Variants in SNX4 observed in about 807,000 individuals in gnomAD.
The protein encoded by SNX4 is sorting nexin 4.
Under a neutral mutation model 70.8 loss-of-function variants are expected in SNX4, and 49 were observed. That is an observed-to-expected ratio of 0.69 (90% CI 0.55 to 0.88). The LOEUF (loss-of-function observed/expected upper bound fraction) is 0.88. SNX4 is among the 40% of genes least tolerant of loss of function. The pLI, the probability that SNX4 is intolerant of heterozygous loss-of-function variation, is 0.00. For synonymous variants in SNX4, 206 were observed against 183.8 expected, an observed-to-expected ratio of 1.12 and a Z score of -0.98; for missense variants, 528 against 544.8, an observed-to-expected ratio of 0.97 and a Z score of 0.31.
At position 125,505,498 on chromosome 3, in the gene SNX4, A is replaced by G. The variant is rs531777872; in HGVS notation, c.142-754T>C. Among the ~76,000 whole-genome samples, 6 of 152,238 alleles carry G rather than the reference A, an allele frequency of 3.9e-5. No individual in the cohort carries two copies. In the South Asian group the frequency reaches 1.2e-3, roughly 32 times the overall value. On this transcript the variant is annotated intron_variant, in intron 1 of 13. Transcript: ENST00000251775. ...GACAAAATGTGGTTAATTTCAATCA[A>G]TTTCAGCTACCTATCCCTTAGTGCC...
At chr3:125,454,505 G>A (rs1933659506) in intron 11 of SNX4, among the ~76,000 whole-genome samples, 3 of 152,154 alleles carry the variant, frequency 2.0e-5, no homozygotes, top group Admixed American at 2.0e-4. Flanking sequence ...CCACAAAACA[G>A]GTCCCTAGTG....
intron 10 of SNX4, among the ~76,000 whole-genome samples, chr3:125,458,814 C>CAAAAAAAAAAAAAAA (rs71148180): frequency 1.1e-4 from 7 of 64,532 alleles, no homozygotes; most frequent in African/African-American, 3.8e-4. Context: ...GACTCCGTCT[C>CAAAAAAAAAAAAAAA]AAAAAAAAAA....
intron 1 of SNX4, among the ~76,000 whole-genome samples, chr3:125,516,662 GA>G (rs1935291031): frequency 6.6e-6 from 1 of 152,170 alleles, no homozygotes; most frequent in South Asian, 2.1e-4. Context: ...CCAACATGGT[GA>G]AACCCCCTCT....
intron 9 of SNX4, among the ~76,000 whole-genome samples, chr3:125,466,834 C>T (rs1369880878): frequency 6.6e-6 from 1 of 152,056 alleles, no homozygotes; most frequent in Non-Finnish European, 1.5e-5. Flanking sequence ...CCTATAATCC[C>T]AGCACTTTGG....
At chr3:125,508,851 C>T (rs868576759) in intron 1 of SNX4, among the ~76,000 whole-genome samples, 10 of 152,048 alleles carry the variant, frequency 6.6e-5, no homozygotes, top group Middle Eastern at 6.8e-3. Context: ...TACCTAACAC[C>T]GACACAAAAA....
chr3:125,480,346 G>T, intron 6 of SNX4, 27 bp from the exon 7 acceptor site: 1 of 1,415,936 alleles, frequency 7.1e-7, no homozygotes, highest in Non-Finnish European at 9.5e-7. Context: ...ATAAAACATC[G>T]TTTTTCAAAT....
At chr3:125,511,750 A>C (rs993802117) in intron 1 of SNX4, among the ~76,000 whole-genome samples, 4 of 152,068 alleles carry the variant, frequency 2.6e-5, no homozygotes, top group Admixed American at 6.6e-5. Flanking sequence ...AAAATATTGT[A>C]CTGTATTATA....
chr3:125,473,674 C>T (rs1386665163), intron 8 of SNX4, among the ~76,000 whole-genome samples: 3 of 152,212 alleles, frequency 2.0e-5, no homozygotes, highest in Non-Finnish European at 4.4e-5. Context: ...ATCGGCCTCT[C>T]AAAGTGCTGG....
intron 9 of SNX4, among the ~76,000 whole-genome samples, chr3:125,461,321 A>C (rs2107530588): frequency 6.6e-6 from 1 of 152,368 alleles, no homozygotes. Flanking sequence ...AAGTACAGAC[A>C]GTGAGAATTA....
intron 5 of SNX4, among the ~76,000 whole-genome samples, chr3:125,496,468 TTTC>T (rs1044079837): frequency 1.3e-5 from 2 of 152,250 alleles, no homozygotes; most frequent in Admixed American, 6.5e-5. Context: ...GTAAAAAAAT[TTTC>T]TTCTTCTTGT....
chr3:125,514,662 GA>G (rs1322023681), intron 1 of SNX4, among the ~76,000 whole-genome samples: 1 of 152,146 alleles, frequency 6.6e-6, no homozygotes, highest in Non-Finnish European at 1.5e-5. Flanking sequence ...AAAGTGCTGG[GA>G]TTACAGGTGT....
intron 5 of SNX4, 70 bp from the exon 6 acceptor site, chr3:125,489,533 C>T (rs975392277): frequency 3.2e-6 from 4 of 1,259,510 alleles, no homozygotes; most frequent in Non-Finnish European, 2.3e-6. Context: ...ATTTTACTTT[C>T]CCTTTAGAAT....
At chr3:125,499,777 A>AC (rs1376141204) in intron 2 of SNX4, among the ~76,000 whole-genome samples, 2 of 138,622 alleles carry the variant, frequency 1.4e-5, no homozygotes, top group South Asian at 2.3e-4. Context: ...AAAAAAAAAA[A>AC]AAAAAACGCG....
At chr3:125,519,943 G>GGCCCT (rs1288962154) in intron 1 of SNX4, 89 bp downstream of exon 1, 1 of 1,010,876 alleles carries the variant, frequency 9.9e-7, no homozygotes, top group African/African-American at 1.9e-5. Flanking sequence ...CCACTGGCCC[G>GGCCCT]GCCCGGCCCA....
rs565132804 is a variant in SNX4 at position 125,458,599 on chromosome 3, G to A, written c.945-1234C>T. 5.0e-4 allele frequency among the ~76,000 whole-genome samples: 73 copies of A among 147,256 alleles called. 1 individual carries two copies. In the South Asian group the frequency reaches 0.013, roughly 27 times the overall value. On this transcript the variant is annotated intron_variant, in intron 10 of 13. Coordinates refer to ENST00000251775, the MANE Select transcript of SNX4 (RefSeq NM_003794.4). ...TGGGAGGCCGAGGCGGGTGGATCAC[G>A]AGGTCAGGAGATTGAGACCATCCTG...
chr3:125,470,582 T>G (rs752409514), intron 8 of SNX4, among the ~76,000 whole-genome samples: 8 of 151,164 alleles, frequency 5.3e-5, no homozygotes, highest in Non-Finnish European at 1.0e-4. Context: ...GATCTAGAAC[T>G]CGAACTGAAA....
intron 2 of SNX4, among the ~76,000 whole-genome samples, chr3:125,499,762 TAAAAAA>T (rs372624115): frequency 7.4e-6 from 1 of 134,706 alleles, no homozygotes; most frequent in Non-Finnish European, 1.7e-5. Flanking sequence ...CATAAGTGTT[TAAAAAA>T]AAAAAAAAAA....
chr3:125,456,394 C>T (rs569124972), intron 11 of SNX4, among the ~76,000 whole-genome samples: 244 of 152,246 alleles, frequency 1.6e-3, no homozygotes, highest in Non-Finnish European at 3.0e-3. Context: ...GGCATGGTGG[C>T]TTACCCCTGT....
chr3:125,448,896 G>C lies in SNX4; in HGVS notation c.1306-1070C>G, dbSNP rs112087129. Among the ~76,000 whole-genome samples, 1,469 of 151,726 alleles carry C rather than the reference G, an allele frequency of 9.7e-3. 13 individuals carry two copies. Among genetic ancestry groups the C allele is most frequent in the African/African-American group, 0.03 (1,227 of 41,382 alleles). On this transcript the variant is annotated intron_variant, in intron 13 of 13. Transcript: ENST00000251775. Reference sequence around the variant, plus strand: ...TTCACCGTGTGTTAGGCAGGATGGTGTCGATCTCCTGACCTCGTGATCCAC... The same window carrying C: ...TTCACCGTGTGTTAGGCAGGATGGTCTCGATCTCCTGACCTCGTGATCCAC...
Sources: allele counts gnomAD v4.1 joint callset (sites outside exome capture counted in the v4.1 genomes callset), GRCh38; gene constraint gnomAD v4.1.1; transcripts MANE v1.5; gene names NCBI Gene and HGNC (gene_info 2026-07-23, HGNC 2026-07-21).